The following CAP1 variants were observed in gnomAD, a reference collection of about 807,000 sequenced individuals.
CAP1 encodes cyclase associated actin cytoskeleton regulatory protein 1.
Under a neutral mutation model 58.2 loss-of-function variants are expected in CAP1, and 11 were observed. That is an observed-to-expected ratio of 0.19 (90% CI 0.12 to 0.31). The LOEUF (loss-of-function observed/expected upper bound fraction) is 0.31. Ranked by LOEUF, CAP1 falls within the 10% of genes least tolerant of loss-of-function variation. The probability of loss-of-function intolerance (pLI) is 1.00; values close to 1 mark genes in which losing one functional copy is unlikely to be tolerated. For synonymous variants in CAP1, 183 were observed against 213.8 expected, an observed-to-expected ratio of 0.86 and a Z score of 1.26; for missense variants, 423 against 587.5, an observed-to-expected ratio of 0.72 and a Z score of 2.89.
Position 40,061,728 on chromosome 1 carries a change from C to T in CAP1, c.217-7C>T. ...TGTCATCAATAGCTGATTCTTCTTTCTGGCAGGCGGAGATGGTCCACACAG... is the reference window on the plus strand; with the variant it reads ...TGTCATCAATAGCTGATTCTTCTTTTTGGCAGGCGGAGATGGTCCACACAG... On this transcript the variant is annotated splice_region_variant and splice_polypyrimidine_tract_variant and intron_variant, in intron 3 of 12. Transcript: ENST00000372805. 1 of 1,613,046 alleles carries T rather than the reference C, an allele frequency of 6.2e-7. No individual in the cohort carries two copies.
intron 4 of CAP1, 31 bp from the exon 5 acceptor site, chr1:40,064,176 CACCTTTGTGGAAAGATGTTA>C (rs1557690799): frequency 6.3e-7 from 1 of 1,593,048 alleles, no homozygotes; most frequent in Non-Finnish European, 8.6e-7. Flanking sequence ...AAGGCATAGA[CACCTTTGTGGAAAGATGTTA>C]ACCTGAATCT....
At position 40,060,101 on chromosome 1, in the gene CAP1, G is replaced by A. The variant is rs371985993; in HGVS notation, c.147G>A (p.Ser49=). 6.2e-6 allele frequency: 10 copies of A among 1,613,690 alleles called. No individual in the cohort carries two copies. The highest frequency in any genetic ancestry group is 3.3e-5 in the South Asian group (3 of 91,050). ...GAAPYVQAFD[S]LLAGPVAEYL... ...CTCCATATGTGCAGGCATTTGACTC[G>A]CTGCTTGCTGGTCCTGTGGCAGAGT... The change falls in exon 3 of 13, where the codon TCG becomes TCA. Residue 49 remains serine (S), a synonymous_variant. Transcript: ENST00000372805.
In CAP1 at chr1:40,071,766, C is replaced by T. The variant is rs767355410; in HGVS notation, c.*233C>T. 3.5e-5 allele frequency: 19 copies of T among 549,768 alleles called. No individual in the cohort carries two copies. Among genetic ancestry groups the T allele is most frequent in the Admixed American group, 6.7e-5 (2 of 29,670 alleles). The allele number at this position is 549,768 out of a possible 1,614,324, so 34.1% of individuals were successfully genotyped here. The stretch of plus-strand genomic sequence containing the variant: ...CAGCTTTTCCATATCAGCTCAACCA[C>T]GCCGCCAGTCCATTCTTAAGGAACT... On this transcript the variant is annotated 3_prime_UTR_variant, in exon 13 of 13. Transcript: ENST00000372805.
Position 40,069,126 on chromosome 1 carries a change from G to A in CAP1, c.809-564G>A, listed in dbSNP as rs190992939. Among the ~76,000 whole-genome samples the A allele has an allele frequency of 5.0e-3, 759 of 152,302 alleles. 3 individuals are homozygous for A. The highest frequency in any genetic ancestry group is 7.2e-3 in the Non-Finnish European group (487 of 68,012). On this transcript the variant is annotated intron_variant, in intron 8 of 12. Coordinates refer to ENST00000372805, the MANE Select transcript of CAP1 (RefSeq NM_006367.4). ...TGGGATTACAGGCATGAGCCACAGC[G>A]CCTGGCCTAGAAAGATATTAAACTA...
chr1:40,041,117 C>T lies in CAP1; in HGVS notation c.-11+316C>T, dbSNP rs576544497. The stretch of plus-strand genomic sequence containing the variant: ...GAGATCGGAGAGTCTTCCCTGTCTC[C>T]TGTTGATGCTCCCATTGCACTGATA... On this transcript the variant is annotated intron_variant, in intron 1 of 12. Coordinates refer to ENST00000372805, the MANE Select transcript of CAP1 (RefSeq NM_006367.4). 2.6e-5 allele frequency among the ~76,000 whole-genome samples: 4 copies of T among 152,374 alleles called. No individual in the cohort carries two copies. The East Asian group carries it at 5.8e-4, about 22-fold the overall frequency.
At position 40,071,595 on chromosome 1, in the gene CAP1, G is replaced by T. The variant is rs1648048478; in HGVS notation, c.*62G>T. 2.8e-6 allele frequency: 3 copies of T among 1,084,110 alleles called. No individual in the cohort carries two copies. The highest frequency in any genetic ancestry group is 1.9e-5 in the Admixed American group (1 of 51,838). 67.2% of individuals were successfully genotyped at this position (1,084,110 alleles called of 1,614,324 possible). On this transcript the variant is annotated 3_prime_UTR_variant, in exon 13 of 13. Transcript: ENST00000372805. ...CCATGGGATAAATCTGTATCAAGAC[G>T]GTTCTTTTCTAGATTTCCTCTACCT...
At chr1:40,067,031 T>C (rs773745230) in intron 7 of CAP1, among the ~76,000 whole-genome samples, 28 of 152,192 alleles carry the variant, frequency 1.8e-4, no homozygotes, top group Non-Finnish European at 3.1e-4. Context: ...AAAGTGGTCA[T>C]GGTGTTTGGG....
intron 1 of CAP1, among the ~76,000 whole-genome samples, chr1:40,044,788 C>CTTTTTTTTT (rs71060347): frequency 1.2e-5 from 1 of 85,236 alleles, no homozygotes. Context: ...CCATATAATT[C>CTTTTTTTTT]TTTTTTTTTT....
At chr1:40,061,284 A>C (rs1215050125) in intron 3 of CAP1, among the ~76,000 whole-genome samples, 1 of 152,104 alleles carries the variant, frequency 6.6e-6, no homozygotes, top group Non-Finnish European at 1.5e-5. Context: ...CTGGCATTTG[A>C]GAGATAGCTT....
chr1:40,065,142 A>G (rs16826849), intron 6 of CAP1, among the ~76,000 whole-genome samples: 17,417 of 152,242 alleles, frequency 0.11, 1,120 homozygotes, highest in East Asian at 0.23. Context: ...AACATGGACT[A>G]ATGCCCTTTA....
At position 40,070,998 on chromosome 1, in the gene CAP1, T is replaced by C; in HGVS notation, c.1344+19T>C. 6.3e-7 allele frequency: 1 copy of C among 1,594,120 alleles called. No individual in the cohort carries two copies. Among genetic ancestry groups the C allele is most frequent in the Admixed American group, 1.8e-5 (1 of 55,314 alleles). On this transcript the variant is annotated intron_variant, in intron 12 of 12. Transcript: ENST00000372805. ...TGACTTTGTAAGTTTCTTGATCTCTTTAGTATGATGTTAAAAACAGAAGGG... is the reference window on the plus strand; with the variant it reads ...TGACTTTGTAAGTTTCTTGATCTCTCTAGTATGATGTTAAAAACAGAAGGG...
At chr1:40,046,811 C>T (rs1348890463) in intron 1 of CAP1, among the ~76,000 whole-genome samples, 4 of 146,920 alleles carry the variant, frequency 2.7e-5, no homozygotes, top group South Asian at 2.1e-4. Context: ...CTCACTCTGT[C>T]GCCCAGGCTG....
intron 1 of CAP1, among the ~76,000 whole-genome samples, chr1:40,053,574 A>G (rs187136986): frequency 2.3e-4 from 35 of 152,168 alleles, no homozygotes; most frequent in African/African-American, 8.2e-4. Context: ...TAGCTTCCCA[A>G]GTAGCTGGGA....
intron 1 of CAP1, among the ~76,000 whole-genome samples, chr1:40,048,886 TAGAC>T (rs1426225119): frequency 1.3e-5 from 2 of 152,206 alleles, no homozygotes; most frequent in Non-Finnish European, 2.9e-5. Context: ...GCTACCATAG[TAGAC>T]AGGCTGATTT....
At position 40,045,713 on chromosome 1, in the gene CAP1, A is replaced by G. The variant is rs1006899541; in HGVS notation, c.-11+4912A>G. Among the ~76,000 whole-genome samples, 32 of 151,734 alleles carry G rather than the reference A, an allele frequency of 2.1e-4. 1 individual carries two copies. The highest frequency in any genetic ancestry group is 4.4e-5 in the Non-Finnish European group (3 of 67,928). ...TGGGACTAGAGGCACACACCACCAC[A>G]CTCAGCTAATTTTTGTATTTTTAGT... On this transcript the variant is annotated intron_variant, in intron 1 of 12. Coordinates refer to ENST00000372805, the MANE Select transcript of CAP1 (RefSeq NM_006367.4).
chr1:40,041,855 A>T (rs1017755250), intron 1 of CAP1, among the ~76,000 whole-genome samples: 2 of 152,184 alleles, frequency 1.3e-5, no homozygotes, highest in Admixed American at 1.3e-4. Context: ...CCTTCTGAAG[A>T]AGCAGAGTTT....
At chr1:40,043,583 A>G (rs1386904940) in intron 1 of CAP1, among the ~76,000 whole-genome samples, 2 of 152,146 alleles carry the variant, frequency 1.3e-5, no homozygotes. Flanking sequence ...GTCCAGCATA[A>G]AGAAATTTCT....
chr1:40,055,589 C>G (rs1321438858), intron 1 of CAP1, among the ~76,000 whole-genome samples: 1 of 152,080 alleles, frequency 6.6e-6, no homozygotes, highest in African/African-American at 2.4e-5. Context: ...TTACTGAAGC[C>G]TCTACCTTCT....
At position 40,069,810 on chromosome 1, in the gene CAP1, C is replaced by A. The variant is rs372682081; in HGVS notation, c.929C>A (p.Ser310Tyr). ...GCACCTAAACCCCAAACCAGCCCAT[C>A]CCCCAAACGAGCCACAAAGAAGGAG... ...FSAPKPQTSP[S>Y]PKRATKKEPA... is the part of the protein sequence containing the mutation. The change falls in exon 9 of 13, where the codon TCC becomes TAC. Residue 310 changes from serine (S) to tyrosine (Y), a missense_variant. Ser to Tyr is a moderately radical substitution (Grantham distance 144). Transcript: ENST00000372805. 1 of 1,603,112 alleles carries A rather than the reference C, an allele frequency of 6.2e-7. No homozygotes were observed. The highest frequency in any genetic ancestry group is 8.5e-7 in the Non-Finnish European group (1 of 1,175,436).
Sources: allele counts gnomAD v4.1 joint callset (sites outside exome capture counted in the v4.1 genomes callset), GRCh38; gene constraint gnomAD v4.1.1; transcripts MANE v1.5; gene names NCBI Gene and HGNC (gene_info 2026-07-23, HGNC 2026-07-21).